Variants in UGGT2 observed in about 807,000 individuals in gnomAD.
UGGT2 encodes UDP-glucose:glycoprotein glucosyltransferase 2.
UGGT2 carries 180 observed loss-of-function variants against 192.1 expected under a neutral mutation model. That is an observed-to-expected ratio of 0.94 (90% CI 0.83 to 1.06). UGGT2 has a LOEUF of 1.06. UGGT2 is among the 50% of genes least tolerant of loss of function. The pLI is 0.00. For missense variants in UGGT2, 1,849 were observed against 1,795.7 expected (o/e 1.03, Z -0.54); for synonymous variants, 580 against 591.0 (o/e 0.98, Z 0.27).
chr13:95,813,033 CATAAATCTCTTT>C (rs78010917), intron 38 of UGGT2, among the ~76,000 whole-genome samples: 19,488 of 152,128 alleles, frequency 0.13, 1,453 homozygotes, highest in East Asian at 0.34. Context: ...AACCATGAAC[CATAAATCTCTTT>C]ATAAATCACC....
intron 29 of UGGT2, among the ~76,000 whole-genome samples, chr13:95,868,753 C>T (rs1890921021): frequency 6.6e-6 from 1 of 152,128 alleles, no homozygotes; most frequent in Non-Finnish European, 1.5e-5. Flanking sequence ...CCACTGAGAC[C>T]CAGAGTATAA....
intron 5 of UGGT2, among the ~76,000 whole-genome samples, chr13:96,011,882 CT>C (rs2052173598): frequency 6.6e-6 from 1 of 152,016 alleles, no homozygotes; most frequent in South Asian, 2.1e-4. Flanking sequence ...AAGAAAAAGT[CT>C]CTTCAAAATT....
chr13:95,986,686 G>T (rs1203637796), intron 8 of UGGT2, among the ~76,000 whole-genome samples: 1 of 152,008 alleles, frequency 6.6e-6, no homozygotes. Context: ...TTTCGAGAGA[G>T]ATATATGAAA....
chr13:95,904,042 T>C (rs1361326486), intron 20 of UGGT2, among the ~76,000 whole-genome samples: 36 of 152,300 alleles, frequency 2.4e-4, no homozygotes, highest in Non-Finnish European at 2.9e-5. Flanking sequence ...TTTTGGATTA[T>C]CTTTTTTGGC....
chr13:95,808,083 G>A (rs1884408825), intron 38 of UGGT2, among the ~76,000 whole-genome samples: 1 of 152,080 alleles, frequency 6.6e-6, no homozygotes, highest in Non-Finnish European at 1.5e-5. Flanking sequence ...GGAGTTCTGG[G>A]TGGCCAGAGA....
At chr13:95,826,813 GA>G (rs1310332402) in intron 38 of UGGT2, among the ~76,000 whole-genome samples, 1 of 150,726 alleles carries the variant, frequency 6.6e-6, no homozygotes, top group Non-Finnish European at 1.5e-5. Flanking sequence ...AGCCCCCCAA[GA>G]AAAACACAGA....
intron 1 of UGGT2, among the ~76,000 whole-genome samples, chr13:96,052,761 G>A (rs939500429): frequency 9.8e-5 from 15 of 152,336 alleles, no homozygotes; most frequent in African/African-American, 3.1e-4. Context: ...CCTCCCCATA[G>A]TAAGCCTAGG....
chr13:95,804,518 G>A (rs921302710), intron 38 of UGGT2, among the ~76,000 whole-genome samples: 8 of 152,124 alleles, frequency 5.3e-5, no homozygotes, highest in Non-Finnish European at 1.2e-4. Context: ...AAAGAATGAA[G>A]TTGGCAGATT....
At chr13:95,946,439 G>A (rs888870097) in intron 15 of UGGT2, among the ~76,000 whole-genome samples, 1 of 152,152 alleles carries the variant, frequency 6.6e-6, no homozygotes, top group Admixed American at 6.5e-5. Context: ...CTCGATCTTG[G>A]CTCATTGCAG....
chr13:95,927,932 T>C (rs1267954626), intron 17 of UGGT2, among the ~76,000 whole-genome samples: 1 of 152,206 alleles, frequency 6.6e-6, no homozygotes, highest in African/African-American at 2.4e-5. Context: ...CCTTAATCCA[T>C]TTAACCCTTA....
rs11452928 is a variant in UGGT2, at chr13:95,950,595, G to GAA, written c.1336-1143_1336-1142dup. On this transcript the variant is annotated intron_variant, in intron 12 of 38. Transcript: ENST00000376747. ...AGGACCAAATATTGAAATGAAACAG[G>GAA]AAAAAAAAAAAAGACAATAAAAAAC... Among the ~76,000 whole-genome samples the GAA allele has an allele frequency of 4.2e-3, 552 of 130,904 alleles. 2 individuals carry two copies. The highest frequency in any genetic ancestry group is 6.0e-3 in the African/African-American group (211 of 35,062). The allele number at this position is 130,904 out of a possible 152,430, so 85.9% of individuals were successfully genotyped here. A position where few individuals can be genotyped will look rare whatever the true frequency, so the allele number is the denominator to read the frequency against.
At chr13:95,882,979 TTCTTA>T (rs1481341359) in intron 27 of UGGT2, among the ~76,000 whole-genome samples, 1 of 152,192 alleles carries the variant, frequency 6.6e-6, no homozygotes, top group Non-Finnish European at 1.5e-5. Context: ...TTTTTTTCAC[TTCTTA>T]TAAGATTCAT....
At chr13:96,013,644 C>T (rs903771403) in intron 4 of UGGT2, among the ~76,000 whole-genome samples, 163 bp from the exon 5 acceptor site, 1 of 151,894 alleles carries the variant, frequency 6.6e-6, no homozygotes, top group African/African-American at 2.4e-5. Context: ...AACTAAATGA[C>T]AGAAAAGAAA....
At position 95,860,888 on chromosome 13, in the gene UGGT2, G is replaced by A; in HGVS notation, c.3645-5C>T. 4 of 1,521,196 alleles carry A rather than the reference G, an allele frequency of 2.6e-6. No individual in the cohort carries two copies. Among genetic ancestry groups the A allele is most frequent in the Non-Finnish European group, 3.5e-6 (4 of 1,130,594 alleles). The allele number at this position is 1,521,196 out of a possible 1,614,324, so 94.2% of individuals were successfully genotyped here. ...TTATGCAAGCTTACTGTGAAACTTG[G>A]AATAAAAAAGTAATTGACATTTCTT... is the stretch of plus-strand genomic sequence containing the variant. On this transcript the variant is annotated splice_polypyrimidine_tract_variant and splice_region_variant and intron_variant, in intron 31 of 38. Coordinates refer to ENST00000376747, the MANE Select transcript of UGGT2 (RefSeq NM_020121.4).
At chr13:95,964,075 T>C (rs929201834) in intron 12 of UGGT2, among the ~76,000 whole-genome samples, 2 of 152,030 alleles carry the variant, frequency 1.3e-5, no homozygotes, top group East Asian at 3.9e-4. Flanking sequence ...TTTGAAAATA[T>C]AGTTACAGTA....
At chr13:95,920,685 A>C (rs1449568673) in intron 20 of UGGT2, among the ~76,000 whole-genome samples, 1 of 152,228 alleles carries the variant, frequency 6.6e-6, no homozygotes, top group African/African-American at 2.4e-5. Flanking sequence ...AAAAGTCGTA[A>C]AAGAACAGAT....
intron 33 of UGGT2, among the ~76,000 whole-genome samples, chr13:95,856,885 C>A (rs1889674835): frequency 1.3e-5 from 2 of 152,038 alleles, no homozygotes; most frequent in Admixed American, 1.3e-4. Flanking sequence ...CTGAATATTT[C>A]ATATTTGAGT....
At chr13:95,936,807 T>A (rs183404648) in intron 17 of UGGT2, 117 bp downstream of exon 17, 61 of 1,022,630 alleles carry the variant, frequency 6.0e-5, no homozygotes, top group African/African-American at 5.3e-4. Flanking sequence ...AAAATCACTA[T>A]GAAATGATCA....
At chr13:95,991,974 C>G (rs147487143) in intron 7 of UGGT2, among the ~76,000 whole-genome samples, 3,803 of 152,178 alleles carry the variant, frequency 0.025, 59 homozygotes, top group Non-Finnish European at 0.034. Flanking sequence ...ACCATCCTGG[C>G]TAACATGGTG....
Sources: gnomAD v4.1 joint callset for allele counts (sites outside exome capture counted in the v4.1 genomes callset) on GRCh38, gnomAD v4.1.1 for gene constraint, MANE v1.5 for transcripts, NCBI Gene and HGNC (gene_info 2026-07-23, HGNC 2026-07-21) for gene names.